Variants in NRG3 observed in about 807,000 individuals in gnomAD.
NRG3 encodes neuregulin 3.
A neutral mutation model predicts 66.9 loss-of-function variants in NRG3; 31 were observed. The observed-to-expected ratio is 0.46, with a 90% CI of 0.35 to 0.63. The LOEUF (loss-of-function observed/expected upper bound fraction) is 0.63. NRG3 is among the 20% of genes least tolerant of loss of function. The pLI is 0.00. For synonymous variants in NRG3, 393 were observed against 359.4 expected, an observed-to-expected ratio of 1.09 and a Z score of -1.06; for missense variants, 910 against 878.9, an observed-to-expected ratio of 1.04 and a Z score of -0.45.
chr10:82,064,937 C>A (rs989511504), intron 1 of NRG3, among the ~76,000 whole-genome samples: 1 of 152,182 alleles, frequency 6.6e-6, no homozygotes, highest in African/African-American at 2.4e-5. Flanking sequence ...ACTATTCATG[C>A]ACACATAAAG....
At chr10:82,922,637 G>A (rs1161864667) in intron 4 of NRG3, among the ~76,000 whole-genome samples, 1 of 152,160 alleles carries the variant, frequency 6.6e-6, no homozygotes, top group Non-Finnish European at 1.5e-5. Context: ...TCTGGAGGAT[G>A]CCATCATAGA....
intron 3 of NRG3, among the ~76,000 whole-genome samples, chr10:82,823,644 G>T (rs2062051530): frequency 6.6e-6 from 1 of 152,028 alleles, no homozygotes; most frequent in African/African-American, 2.4e-5. Flanking sequence ...ATCTCTTCCA[G>T]AATTGCCTTT....
chr10:81,903,988 ATATATATATT>A (rs1175882213), intron 1 of NRG3, among the ~76,000 whole-genome samples: 6 of 126,316 alleles, frequency 4.7e-5, no homozygotes, highest in African/African-American at 3.9e-5. Flanking sequence ...ATATATATAT[ATATATATATT>A]TTTTTTTTTT....
chr10:82,920,566 GCA>G (rs1846330350), intron 4 of NRG3, among the ~76,000 whole-genome samples: 1 of 152,116 alleles, frequency 6.6e-6, no homozygotes, highest in African/African-American at 2.4e-5. Context: ...GTATCTATGA[GCA>G]CACCTGTAAC....
chr10:82,725,433 CT>C (rs1175070477), intron 2 of NRG3, among the ~76,000 whole-genome samples: 2 of 152,186 alleles, frequency 1.3e-5, no homozygotes, highest in Non-Finnish European at 2.9e-5. Flanking sequence ...TGTGAGCTCA[CT>C]ATATCCCTTG....
chr10:82,775,582 G>A (rs1239785411), intron 3 of NRG3, among the ~76,000 whole-genome samples: 1 of 152,026 alleles, frequency 6.6e-6, no homozygotes, highest in East Asian at 1.9e-4. Context: ...ATATTCTGCT[G>A]TTGTTGTATG....
chr10:82,501,755 C>T (rs1333064179), intron 2 of NRG3, among the ~76,000 whole-genome samples: 1 of 152,172 alleles, frequency 6.6e-6, no homozygotes, highest in Non-Finnish European at 1.5e-5. Context: ...TAACTCAATT[C>T]TCTAACCACC....
At chr10:81,885,979 A>G (rs1222072244) in intron 1 of NRG3, among the ~76,000 whole-genome samples, 1 of 152,034 alleles carries the variant, frequency 6.6e-6, no homozygotes, top group East Asian at 1.9e-4. Flanking sequence ...TCAGTATGAT[A>G]CTCTCTGTTT....
chr10:82,877,371 CTTT>C (rs59994503), intron 4 of NRG3, among the ~76,000 whole-genome samples: 2,061 of 78,994 alleles, frequency 0.026, 43 homozygotes, highest in African/African-American at 0.081. Context: ...ATAGGGCAGA[CTTT>C]TTTTTTTTTT....
At chr10:82,923,940 A>C (rs968179326) in intron 4 of NRG3, among the ~76,000 whole-genome samples, 5 of 151,962 alleles carry the variant, frequency 3.3e-5, no homozygotes, top group Non-Finnish European at 7.4e-5. Flanking sequence ...CTACTAAAAA[A>C]TACAAAAATT....
In NRG3 at chr10:82,745,420, G is replaced by T. The variant is rs142284745; in HGVS notation, c.1027+6770G>T. On this transcript the variant is annotated intron_variant, in intron 3 of 8. Coordinates refer to ENST00000372141, the MANE Select transcript of NRG3 (RefSeq NM_001010848.4). ...GGTCTATTAATCCATACAGATGAAA[G>T]AATGTATCTTCCAGACTGGCATCTG... 5.4e-3 allele frequency among the ~76,000 whole-genome samples: 825 copies of T among 152,262 alleles called. 9 individuals are homozygous for T. The highest frequency in any genetic ancestry group is 0.018 in the African/African-American group (754 of 41,570).
intron 2 of NRG3, among the ~76,000 whole-genome samples, chr10:82,563,959 G>T (rs2045225687): frequency 6.6e-6 from 1 of 152,008 alleles, no homozygotes; most frequent in Non-Finnish European, 1.5e-5. Flanking sequence ...ATATGATAAT[G>T]CTATTAAGCA....
chr10:82,918,966 T>G lies in NRG3; in HGVS notation c.1055-32503T>G, dbSNP rs556781510. Reference sequence around the variant, plus strand: ...CTAGTAATCCTACCTGTTCTAGGTTTCTGAAATCACTGCTTTAAGGCAGGC... The same window carrying G: ...CTAGTAATCCTACCTGTTCTAGGTTGCTGAAATCACTGCTTTAAGGCAGGC... On this transcript the variant is annotated intron_variant, in intron 4 of 8. Coordinates refer to ENST00000372141, the MANE Select transcript of NRG3 (RefSeq NM_001010848.4). Among the ~76,000 whole-genome samples the G allele has an allele frequency of 1.2e-4, 18 of 152,286 alleles. No homozygotes were observed. The South Asian group carries it at 3.7e-3, about 32-fold the overall frequency.
chr10:82,671,683 A>G (rs1043359597), intron 2 of NRG3, among the ~76,000 whole-genome samples: 1 of 152,222 alleles, frequency 6.6e-6, no homozygotes, highest in African/African-American at 2.4e-5. Context: ...GAGGTAAACG[A>G]TACTTCATAG....
At chr10:82,828,458 G>C (rs1340347547) in intron 3 of NRG3, among the ~76,000 whole-genome samples, 3 of 152,136 alleles carry the variant, frequency 2.0e-5, no homozygotes, top group Admixed American at 6.5e-5. Context: ...CCCAGGTACT[G>C]TGGCTGGAAG....
At chr10:82,335,316 G>A (rs2082335029) in intron 1 of NRG3, among the ~76,000 whole-genome samples, 1 of 152,190 alleles carries the variant, frequency 6.6e-6, no homozygotes, top group South Asian at 2.1e-4. Context: ...TCAGCAGAAT[G>A]AGTCCTTTAT....
intron 1 of NRG3, among the ~76,000 whole-genome samples, chr10:82,217,273 G>A (rs950632117): frequency 2.6e-5 from 4 of 152,168 alleles, no homozygotes; most frequent in African/African-American, 9.7e-5. Context: ...TAAGCTGGTA[G>A]TTAGTGTGGA....
At chr10:82,009,920 T>A (rs1483854237) in intron 1 of NRG3, among the ~76,000 whole-genome samples, 1 of 152,184 alleles carries the variant, frequency 6.6e-6, no homozygotes, top group Non-Finnish European at 1.5e-5. Context: ...GCCACCAATA[T>A]GTGAGCTGTG....
At chr10:82,650,149 A>G (rs2051295262) in intron 2 of NRG3, among the ~76,000 whole-genome samples, 1 of 152,212 alleles carries the variant, frequency 6.6e-6, no homozygotes, top group Non-Finnish European at 1.5e-5. Context: ...TGACCTAGTT[A>G]CCAAAATATT....
Sources: gnomAD v4.1 joint callset for allele counts (sites outside exome capture counted in the v4.1 genomes callset) on GRCh38, gnomAD v4.1.1 for gene constraint, MANE v1.5 for transcripts, NCBI Gene and HGNC (gene_info 2026-07-23, HGNC 2026-07-21) for gene names.